Variants in CNBD1 observed in about 807,000 individuals in gnomAD.
CNBD1 encodes cyclic nucleotide-binding domain-containing protein 1.
Under a neutral mutation model 54.4 loss-of-function variants are expected in CNBD1, and 71 were observed. The ratio of observed to expected loss-of-function variants is 1.30; its 90% CI spans 1.08 to 1.59. The LOEUF is 1.59. CNBD1 is among the 40% of genes most tolerant of loss of function. The pLI is 0.00. For synonymous variants in CNBD1, 182 were observed against 170.7 expected, an observed-to-expected ratio of 1.07 and a Z score of -0.51; for missense variants, 659 against 518.0, an observed-to-expected ratio of 1.27 and a Z score of -2.64.
At chr8:87,197,603 G>A (rs189354944) in intron 4 of CNBD1, among the ~76,000 whole-genome samples, 220 of 152,194 alleles carry the variant, frequency 1.4e-3, no homozygotes, top group Non-Finnish European at 2.8e-3. Context: ...TTCTAAATAC[G>A]TTCTTGGATA....
intron 4 of CNBD1, among the ~76,000 whole-genome samples, chr8:87,185,208 A>G (rs1813447982): frequency 6.6e-6 from 1 of 152,194 alleles, no homozygotes; most frequent in Admixed American, 6.5e-5. Flanking sequence ...TGATTGTTTT[A>G]TAAATATCAA....
intron 2 of CNBD1, among the ~76,000 whole-genome samples, chr8:87,388,706 A>C (rs1387021845): frequency 6.6e-6 from 1 of 152,198 alleles, no homozygotes; most frequent in African/African-American, 2.4e-5. Context: ...TTCTGAAACT[A>C]TTCCAATCAA....
chr8:87,375,476 T>C (rs1021840317), intron 10 of CNBD1, among the ~76,000 whole-genome samples: 1 of 151,780 alleles, frequency 6.6e-6, no homozygotes, highest in Non-Finnish European at 1.5e-5. Context: ...GATAAAGTTA[T>C]CAGTGACTTT....
chr8:87,419,764 T>A (rs1807896585), intron 2 of CNBD1, among the ~76,000 whole-genome samples: 1 of 151,802 alleles, frequency 6.6e-6, no homozygotes, highest in African/African-American at 2.4e-5. Context: ...CACTTTAAAG[T>A]ATGAATTCCT....
intron 1 of CNBD1, among the ~76,000 whole-genome samples, chr8:86,868,361 G>A (rs1196488512): frequency 1.3e-5 from 2 of 151,850 alleles, no homozygotes; most frequent in Non-Finnish European, 2.9e-5. Context: ...ATTTATTTTT[G>A]AGATGAAGTC....
chr8:87,335,424 C>G lies in CNBD1; in HGVS notation c.1043-16261C>G, dbSNP rs528573169. The stretch of plus-strand genomic sequence containing the variant: ...GTATATATATTTAGAATACTTAACT[C>G]TTCTTGTTGAATTGATCCCTTTATC... On this transcript the variant is annotated intron_variant, in intron 8 of 10. Transcript: ENST00000518476. 3.3e-5 allele frequency among the ~76,000 whole-genome samples: 5 copies of G among 152,240 alleles called. No homozygotes were observed. The South Asian group carries it at 1.0e-3, about 32-fold the overall frequency.
intron 4 of CNBD1, among the ~76,000 whole-genome samples, chr8:87,060,840 G>A (rs1301125053): frequency 1.3e-5 from 2 of 152,120 alleles, no homozygotes; most frequent in Non-Finnish European, 2.9e-5. Flanking sequence ...AGTGGGTGCA[G>A]AGCATAACTT....
At chr8:87,316,541 T>C (rs1809391975) in intron 8 of CNBD1, among the ~76,000 whole-genome samples, 1 of 152,024 alleles carries the variant, frequency 6.6e-6, no homozygotes, top group Admixed American at 6.6e-5. Flanking sequence ...ACAGTGTGTG[T>C]CTAAAAGTTT....
At chr8:87,372,288 C>T (rs1438103823) in intron 10 of CNBD1, among the ~76,000 whole-genome samples, 3 of 151,946 alleles carry the variant, frequency 2.0e-5, no homozygotes, top group East Asian at 3.9e-4. Flanking sequence ...GATTTTGTTT[C>T]TGTTTTTTGA....
chr8:87,053,002 T>C (rs1261640410), intron 4 of CNBD1, among the ~76,000 whole-genome samples: 3 of 123,484 alleles, frequency 2.4e-5, no homozygotes, highest in Admixed American at 9.5e-5. Context: ...GCCGATGATA[T>C]AGCTGGAGGG....
intron 4 of CNBD1, among the ~76,000 whole-genome samples, chr8:87,001,108 T>C (rs1808981088): frequency 6.6e-6 from 1 of 152,158 alleles, no homozygotes; most frequent in Admixed American, 6.5e-5. Context: ...CTCTATCTTA[T>C]GTCTTCATTC....
At chr8:87,212,391 G>A (rs1404356131) in intron 5 of CNBD1, among the ~76,000 whole-genome samples, 1 of 151,988 alleles carries the variant, frequency 6.6e-6, no homozygotes, top group Admixed American at 6.5e-5. Context: ...TTTAGGAGAT[G>A]CAAAACAGCC....
chr8:86,909,596 A>G (rs529708958), intron 3 of CNBD1, among the ~76,000 whole-genome samples: 1 of 152,238 alleles, frequency 6.6e-6, no homozygotes, highest in South Asian at 2.1e-4. Context: ...TTACATATGT[A>G]TACATGTGCC....
intron 10 of CNBD1, among the ~76,000 whole-genome samples, chr8:87,377,081 AT>A (rs1810957923): frequency 8.3e-6 from 1 of 121,020 alleles, no homozygotes; most frequent in Non-Finnish European, 1.8e-5. Flanking sequence ...ATTTTATTTT[AT>A]TTTATTTCTT....
intron 4 of CNBD1, among the ~76,000 whole-genome samples, chr8:87,022,378 G>T (rs191648492): frequency 1.5e-3 from 226 of 152,260 alleles, no homozygotes; most frequent in Non-Finnish European, 2.7e-3. Flanking sequence ...GCCCCTCTTT[G>T]TTGTTAAGTT....
Position 87,163,185 on chromosome 8 carries a change from A to T in CNBD1, c.432-42808A>T, listed in dbSNP as rs530290862. On this transcript the variant is annotated intron_variant, in intron 4 of 10. Transcript: ENST00000518476. The surrounding 1 kb of genome is among the most constrained non-coding windows in gnomAD (Gnocchi z 4.5). ...AAGTAGATTGAACTAACAAATGTAC[A>T]ATATTTTGGTATTAATAACATCTCA... Among the ~76,000 whole-genome samples the T allele has an allele frequency of 5.3e-5, 8 of 152,212 alleles. No homozygotes were observed. The highest frequency in any genetic ancestry group is 1.9e-4 in the African/African-American group (8 of 41,564).
At position 87,098,934 on chromosome 8, in the gene CNBD1, G is replaced by A. The variant is rs545804968; in HGVS notation, c.432-107059G>A. ...CGCCTGTAATCCCAGCTACTCGGGA[G>A]GCTAAGGCAGGAGAATAGTTTGAAT... On this transcript the variant is annotated intron_variant, in intron 4 of 10. Coordinates refer to ENST00000518476, the MANE Select transcript of CNBD1 (RefSeq NM_173538.3). Among the ~76,000 whole-genome samples, 8 of 150,176 alleles carry A rather than the reference G, an allele frequency of 5.3e-5. No individual in the cohort carries two copies. In the East Asian group the frequency reaches 1.6e-3, roughly 30 times the overall value.
intron 1 of CNBD1, among the ~76,000 whole-genome samples, chr8:86,877,507 G>T (rs1214582480): frequency 6.6e-6 from 1 of 152,052 alleles, no homozygotes; most frequent in Non-Finnish European, 1.5e-5. Flanking sequence ...CCTACTCTTT[G>T]CCAGGACATT....
At chr8:86,929,177 C>T (rs994592672) in intron 3 of CNBD1, among the ~76,000 whole-genome samples, 3 of 152,184 alleles carry the variant, frequency 2.0e-5, no homozygotes, top group Admixed American at 6.5e-5. Flanking sequence ...AGACTGCCAC[C>T]TCTTTGGGTT....
Sources: gnomAD v4.1 joint callset for allele counts (sites outside exome capture counted in the v4.1 genomes callset) on GRCh38, gnomAD v4.1.1 for gene constraint, Gnocchi (gnomAD v3.1) non-coding constraint, MANE v1.5 for transcripts, NCBI Gene and HGNC (gene_info 2026-07-23, HGNC 2026-07-21) for gene names.